The following CA8 variants were observed in gnomAD, a reference collection of about 807,000 sequenced individuals.
CA8 encodes carbonic anhydrase 8 (inactive), also known as carbonic anhydrase-related protein.
A neutral mutation model predicts 41.4 loss-of-function variants in CA8; 22 were observed. The ratio of observed to expected loss-of-function variants is 0.53; its 90% CI spans 0.38 to 0.76. The LOEUF is 0.76. CA8 is among the 30% of genes least tolerant of loss of function. The pLI is 0.00. For missense variants in CA8, 270 were observed against 352.8 expected (o/e 0.77, Z 1.88); for synonymous variants, 121 against 130.6 (o/e 0.93, Z 0.50).
In CA8 at chr8:60,194,113, GT is replaced by G. The variant is rs997313400; in HGVS notation, c.*36-4129del. 6.0e-5 allele frequency among the ~76,000 whole-genome samples: 9 copies of G among 148,938 alleles called. No individual in the cohort carries two copies. In the South Asian group the frequency reaches 6.3e-4, roughly 10 times the overall value. ...AATATTCCTTTCTTAATAGCACCCT[GT>G]TTTTTTTGTGAATGCAATTTCTTTC... is the stretch of plus-strand genomic sequence containing the variant. On this transcript the variant is annotated intron_variant, in intron 8 of 8. Coordinates refer to ENST00000317995, the MANE Select transcript of CA8 (RefSeq NM_004056.6).
At chr8:60,250,633 T>C (rs184010291) in intron 3 of CA8, among the ~76,000 whole-genome samples, 42 of 152,338 alleles carry the variant, frequency 2.8e-4, no homozygotes, top group African/African-American at 9.9e-4. Context: ...ACCAAAGTAA[T>C]TGGTTACATT....
At chr8:60,227,500 T>C (rs986970214) in intron 4 of CA8, among the ~76,000 whole-genome samples, 2 of 151,796 alleles carry the variant, frequency 1.3e-5, no homozygotes, top group African/African-American at 4.8e-5. Flanking sequence ...TCACTCACTT[T>C]GCTATATGTA....
Position 60,281,118 on chromosome 8 carries a change from G to C in CA8, c.30C>G (p.Thr10=), listed in dbSNP as rs760270516. Residue 10 remains threonine, a synonymous_variant, in exon 1 of 9, where the codon ACC becomes ACG. Transcript: ENST00000317995. MADLSFIED[T]VAFPEKEEDE... ...CCTCTTCCTTCTCGGGGAAGGCGAC[G>C]GTATCTTCGATGAAGCTCAGGTCCG... 5.0e-6 allele frequency: 8 copies of C among 1,593,860 alleles called. No homozygotes were observed. In the East Asian group the frequency reaches 1.1e-4, roughly 23 times the overall value.
intron 3 of CA8, among the ~76,000 whole-genome samples, chr8:60,233,794 C>T (rs765815330): frequency 5.9e-5 from 9 of 152,150 alleles, no homozygotes; most frequent in Non-Finnish European, 1.3e-4. Context: ...TATTTTGGGG[C>T]ATTTTTTTAA....
intron 3 of CA8, among the ~76,000 whole-genome samples, chr8:60,248,847 C>T (rs575360474): frequency 2.6e-5 from 4 of 152,094 alleles, no homozygotes; most frequent in East Asian, 1.9e-4. Context: ...TAAATTACTT[C>T]GGGCAGTATG....
intron 8 of CA8, among the ~76,000 whole-genome samples, chr8:60,197,515 CTTCTT>C (rs1806314855): frequency 6.6e-6 from 1 of 152,136 alleles, no homozygotes; most frequent in African/African-American, 2.4e-5. Context: ...CCACTATAGC[CTTCTT>C]TTAAGTGATG....
chr8:60,195,343 A>G (rs1806251183), intron 8 of CA8, among the ~76,000 whole-genome samples: 1 of 152,192 alleles, frequency 6.6e-6, no homozygotes, highest in Admixed American at 6.5e-5. Context: ...AAAGCAAATC[A>G]CTACTGGAGA....
intron 2 of CA8, among the ~76,000 whole-genome samples, chr8:60,271,098 T>C (rs192694399): frequency 5.9e-5 from 9 of 152,302 alleles, no homozygotes; most frequent in African/African-American, 2.2e-4. Context: ...ATCCCGGTTC[T>C]AAGGGAAGCC....
intron 7 of CA8, 41 bp from the exon 8 acceptor site, chr8:60,208,960 G>T (rs201962782): frequency 3.4e-5 from 55 of 1,598,482 alleles, no homozygotes; most frequent in Non-Finnish European, 4.4e-5. Context: ...ATCAATTATC[G>T]GACATTAACA....
At chr8:60,223,245 T>C (rs1041683699) in intron 6 of CA8, among the ~76,000 whole-genome samples, 2 of 152,204 alleles carry the variant, frequency 1.3e-5, no homozygotes, top group Admixed American at 6.5e-5. Flanking sequence ...TAATAATCAC[T>C]GGCAGAGCCA....
At chr8:60,205,736 C>A (rs1036863221) in intron 8 of CA8, among the ~76,000 whole-genome samples, 2 of 152,152 alleles carry the variant, frequency 1.3e-5, no homozygotes, top group Admixed American at 1.3e-4. Flanking sequence ...TTATCAAAGT[C>A]TTCCAGGTGC....
intron 8 of CA8, among the ~76,000 whole-genome samples, chr8:60,198,072 T>C (rs561274941): frequency 4.5e-4 from 69 of 152,268 alleles, no homozygotes; most frequent in Middle Eastern, 6.8e-3. Context: ...AGGCAAAAGA[T>C]AAACACAGTG....
At chr8:60,249,510 A>T (rs1452816764) in intron 3 of CA8, among the ~76,000 whole-genome samples, 1 of 152,170 alleles carries the variant, frequency 6.6e-6, no homozygotes, top group Non-Finnish European at 1.5e-5. Context: ...AATAAAATAA[A>T]ATTTTCATTG....
chr8:60,258,453 T>C (rs1409770778), intron 3 of CA8, among the ~76,000 whole-genome samples: 1 of 152,200 alleles, frequency 6.6e-6, no homozygotes, highest in Non-Finnish European at 1.5e-5. Flanking sequence ...GGGGTACTAC[T>C]GTATCTTCTA....
intron 3 of CA8, among the ~76,000 whole-genome samples, chr8:60,257,138 C>A (rs1467253261): frequency 1.3e-5 from 2 of 152,088 alleles, no homozygotes; most frequent in Non-Finnish European, 2.9e-5. Flanking sequence ...CCACCATGCC[C>A]AGCTGATTTT....
chr8:60,229,975 T>A (rs1479610254), intron 4 of CA8, among the ~76,000 whole-genome samples: 5 of 152,240 alleles, frequency 3.3e-5, no homozygotes, highest in Non-Finnish European at 1.5e-5. Flanking sequence ...CTGTCCTGTA[T>A]GATCTGGGGC....
chr8:60,205,885 T>C (rs1454292157), intron 8 of CA8, among the ~76,000 whole-genome samples: 1 of 152,242 alleles, frequency 6.6e-6, no homozygotes, highest in African/African-American at 2.4e-5. Context: ...CTTTTCCTTT[T>C]TAGTTCCAAG....
In CA8 at chr8:60,266,172, G is replaced by A. The variant is rs548462265; in HGVS notation, c.293-123C>T. The A allele has an allele frequency of 2.8e-5, 24 of 864,320 alleles. No homozygotes were observed. The South Asian group carries it at 3.8e-4, about 14-fold the overall frequency. The allele number at this position is 864,320 out of a possible 1,614,324, so 53.5% of individuals were successfully genotyped here. On this transcript the variant is annotated intron_variant, in intron 2 of 8. Coordinates refer to ENST00000317995, the MANE Select transcript of CA8 (RefSeq NM_004056.6). Reference sequence around the variant, plus strand: ...GGGCTCTACAGATTAAATTCACAAAGCCAAAATGAGAAATTTATCACAACT... The same window carrying A: ...GGGCTCTACAGATTAAATTCACAAAACCAAAATGAGAAATTTATCACAACT...
chr8:60,234,998 T>C (rs1014791103), intron 3 of CA8, among the ~76,000 whole-genome samples: 2 of 152,184 alleles, frequency 1.3e-5, no homozygotes, highest in Non-Finnish European at 2.9e-5. Flanking sequence ...CTAGTAGTGG[T>C]AACCTAGGTG....
Sources: allele counts gnomAD v4.1 joint callset (sites outside exome capture counted in the v4.1 genomes callset), GRCh38; gene constraint gnomAD v4.1.1; transcripts MANE v1.5; gene names NCBI Gene and HGNC (gene_info 2026-07-23, HGNC 2026-07-21).